The following CHODL variants were observed in gnomAD, a reference collection of about 807,000 sequenced individuals.
CHODL encodes the protein transmembrane protein MT75.
In CHODL, 29 loss-of-function variants were observed where a neutral mutation model predicts 34.5. The observed-to-expected ratio is 0.84, with a 90% CI of 0.63 to 1.15. CHODL has a LOEUF of 1.15. Among genes scored for constraint, CHODL ranks in the 50% most tolerant of loss-of-function variants. The pLI, the probability that CHODL is intolerant of heterozygous loss-of-function variation, is 0.00. For synonymous variants in CHODL, 125 were observed against 116.1 expected (o/e 1.08, Z -0.49); for missense variants, 332 against 332.5 (o/e 1.00, Z 0.01).
At chr21:18,135,977 C>T (rs1031952027) in intron 2 of CHODL, among the ~76,000 whole-genome samples, 61 of 151,852 alleles carry the variant, frequency 4.0e-4, no homozygotes, top group Non-Finnish European at 3.8e-4. Context: ...CATGGTGGCA[C>T]GTGCCTGTAG....
intron 2 of CHODL, among the ~76,000 whole-genome samples, chr21:18,088,251 A>G (rs1474770609): frequency 6.6e-6 from 1 of 152,120 alleles, no homozygotes; most frequent in Non-Finnish European, 1.5e-5. Context: ...TGGGAAGTGC[A>G]GTCTTCTCAT....
At chr21:18,136,130 A>AAAAAAAAAG (rs1568904709) in intron 2 of CHODL, among the ~76,000 whole-genome samples, 1 of 151,136 alleles carries the variant, frequency 6.6e-6, no homozygotes, top group Non-Finnish European at 1.5e-5. Context: ...AAAAAGAAAA[A>AAAAAAAAAG]AAAGAAAAAA....
At chr21:18,161,796 T>A (rs1300946503) in intron 2 of CHODL, among the ~76,000 whole-genome samples, 1 of 152,184 alleles carries the variant, frequency 6.6e-6, no homozygotes, top group Non-Finnish European at 1.5e-5. Context: ...CATCAGAATT[T>A]ATTTCACTCT....
At chr21:17,929,671 C>G (rs527861070) in intron 1 of CHODL, among the ~76,000 whole-genome samples, 125 of 152,322 alleles carry the variant, frequency 8.2e-4, no homozygotes, top group African/African-American at 2.8e-3. Context: ...GATGGGAGAG[C>G]TCCCTGAACC....
chr21:18,252,607 T>C (rs948129692), intron 1 of CHODL, among the ~76,000 whole-genome samples: 1 of 152,122 alleles, frequency 6.6e-6, no homozygotes, highest in African/African-American at 2.4e-5. Flanking sequence ...TGGAAGTCAG[T>C]AATAAAATAG....
chr21:17,960,278 A>G (rs2063522490), intron 1 of CHODL, among the ~76,000 whole-genome samples: 1 of 152,162 alleles, frequency 6.6e-6, no homozygotes, highest in South Asian at 2.1e-4. Context: ...TTCTTGTGTA[A>G]AAGTTGAGAA....
chr21:18,208,778 G>T (rs2073741050), intron 2 of CHODL, among the ~76,000 whole-genome samples: 2 of 152,072 alleles, frequency 1.3e-5, no homozygotes, highest in African/African-American at 4.8e-5. Context: ...GTTGTCTTTG[G>T]TAAGATACAG....
At chr21:18,175,777 C>G (rs946491622) in intron 2 of CHODL, among the ~76,000 whole-genome samples, 1 of 152,062 alleles carries the variant, frequency 6.6e-6, no homozygotes, top group Non-Finnish European at 1.5e-5. Context: ...GGAAAGTCCT[C>G]TTTGAGGAGA....
intron 2 of CHODL, among the ~76,000 whole-genome samples, chr21:18,208,232 A>G (rs1045379636): frequency 6.0e-5 from 9 of 149,874 alleles, no homozygotes; most frequent in Admixed American, 2.0e-4. Flanking sequence ...CAAGCTTACC[A>G]ATTCTTTCTT....
At chr21:18,232,541 A>G (rs565071782) in intron 2 of CHODL, among the ~76,000 whole-genome samples, 2 of 150,376 alleles carry the variant, frequency 1.3e-5, no homozygotes, top group Admixed American at 6.6e-5. Context: ...CCCTGACCTA[A>G]TCATCTTCCA....
In CHODL at chr21:18,255,075, A is replaced by T. The variant is rs139949430; in HGVS notation, c.80-1434A>T. Among the ~76,000 whole-genome samples the T allele has an allele frequency of 1.3e-3, 192 of 152,186 alleles. 2 individuals are homozygous for T. The highest frequency in any genetic ancestry group is 3.4e-3 in the Admixed American group (52 of 15,262). ...CTGTACATAATCAATAGATGTCAGG[A>T]TAGGTGGTTAGGTGGTTAAATGGAA... On this transcript the variant is annotated intron_variant, in intron 1 of 5. Transcript: ENST00000299295.
At chr21:18,071,465 G>A (rs2064804192) in intron 2 of CHODL, among the ~76,000 whole-genome samples, 1 of 151,834 alleles carries the variant, frequency 6.6e-6, no homozygotes, top group Non-Finnish European at 1.5e-5. Context: ...CTTTCAGTTG[G>A]TCTCCCTGTT....
intron 4 of CHODL, among the ~76,000 whole-genome samples, chr21:18,262,465 G>A (rs982458855): frequency 4.0e-5 from 6 of 151,152 alleles, no homozygotes; most frequent in Non-Finnish European, 8.8e-5. Context: ...GTAACATAAT[G>A]GAATTTGTAT....
chr21:18,206,576 G>A (rs1449551111), intron 2 of CHODL, among the ~76,000 whole-genome samples: 1 of 149,020 alleles, frequency 6.7e-6, no homozygotes, highest in Admixed American at 6.6e-5. Flanking sequence ...TGGCTCTTGT[G>A]TTTTTTTCTT....
chr21:18,187,668 T>C (rs1380410334), intron 2 of CHODL, among the ~76,000 whole-genome samples: 2 of 152,194 alleles, frequency 1.3e-5, no homozygotes, highest in Admixed American at 6.5e-5. Flanking sequence ...CCATCTATAC[T>C]CCACCTTTCT....
intron 2 of CHODL, among the ~76,000 whole-genome samples, chr21:18,158,565 C>T (rs574423563): frequency 2.6e-5 from 4 of 152,220 alleles, no homozygotes; most frequent in Non-Finnish European, 4.4e-5. Flanking sequence ...CGGCCTGGCA[C>T]GGTGGCTCAT....
intron 1 of CHODL, among the ~76,000 whole-genome samples, chr21:17,985,162 C>T (rs1225135214): frequency 6.6e-6 from 1 of 152,126 alleles, no homozygotes; most frequent in Admixed American, 6.5e-5. Context: ...AATATAGATA[C>T]TTCCTGTCCA....
intron 2 of CHODL, among the ~76,000 whole-genome samples, chr21:18,198,003 A>T (rs1453618280): frequency 6.6e-6 from 1 of 152,266 alleles, no homozygotes; most frequent in Admixed American, 6.5e-5. Context: ...GTTGGCCATC[A>T]CAAAGCATTT....
At chr21:17,998,746 T>C (rs158079) in intron 1 of CHODL, among the ~76,000 whole-genome samples, 101,365 of 152,086 alleles carry the variant, frequency 0.67, 34,429 homozygotes, top group Middle Eastern at 0.79. Flanking sequence ...GCCTTGAACA[T>C]AGAGCACCAT....
Sources: allele counts gnomAD v4.1 joint callset (sites outside exome capture counted in the v4.1 genomes callset), GRCh38; gene constraint gnomAD v4.1.1; transcripts MANE v1.5; gene names NCBI Gene and HGNC (gene_info 2026-07-23, HGNC 2026-07-21).